Variants in BTNL9 observed in about 807,000 individuals in gnomAD.
The protein encoded by BTNL9 is butyrophilin like 9, also known as butyrophilin-like protein 9.
BTNL9 carries 45 observed loss-of-function variants against 45.8 expected under a neutral mutation model. That is an observed-to-expected ratio of 0.98 (90% CI 0.77 to 1.26). BTNL9 has a LOEUF of 1.26. BTNL9 is among the 50% of genes most tolerant of loss of function. BTNL9 has a pLI of 0.00. For missense variants in BTNL9, 784 were observed against 729.7 expected, an observed-to-expected ratio of 1.07 and a Z score of -0.86; for synonymous variants, 346 against 330.8, an observed-to-expected ratio of 1.05 and a Z score of -0.50.
At chr5:181,056,519 T>G (rs1000546643) in intron 9 of BTNL9, 4 of 716,988 alleles carry the variant, frequency 5.6e-6, no homozygotes, top group Non-Finnish European at 1.0e-5. Context: ...ATTCAGTCTG[T>G]TTTTCCTCCT....
chr5:181,053,723 C>T lies in BTNL9; in HGVS notation c.886+222C>T, dbSNP rs1322488945. 1 of 1,514,348 alleles carries T rather than the reference C, an allele frequency of 6.6e-7. No individual in the cohort carries two copies. Among genetic ancestry groups the T allele is most frequent in the East Asian group, 2.5e-5 (1 of 40,546 alleles). 93.8% of individuals were successfully genotyped at this position (1,514,348 alleles called of 1,614,324 possible). A position where few individuals can be genotyped will look rare whatever the true frequency, so the allele number is the denominator to read the frequency against. Reference sequence around the variant, plus strand: ...TGCATTTTCCACGGAGGCTAGTGCACAGATGTCAGGGTTGACCGGCTGCTG... The same window carrying T: ...TGCATTTTCCACGGAGGCTAGTGCATAGATGTCAGGGTTGACCGGCTGCTG... On this transcript the variant is annotated intron_variant, in intron 6 of 10. Transcript: ENST00000327705. The surrounding 1 kb of genome is among the most constrained non-coding windows in gnomAD (Gnocchi z 6.5).
intron 3 of BTNL9, among the ~76,000 whole-genome samples, chr5:181,049,831 A>G (rs1418008619): frequency 6.6e-6 from 1 of 152,204 alleles, no homozygotes; most frequent in Admixed American, 6.5e-5. Flanking sequence ...ATTAAATGCC[A>G]GGAGCCCTTC....
At position 181,060,652 on chromosome 5, in the gene BTNL9, G is replaced by C. The variant is rs1762109032; in HGVS notation, c.*790G>C. On this transcript the variant is annotated 3_prime_UTR_variant, in exon 11 of 11. Transcript: ENST00000327705. ...GGAGGTGAAATCTAATTATTGGTGA[G>C]AGTCTTGGAGAACAGGCTGTTTCCA... The C allele has an allele frequency of 6.6e-6, 1 of 152,214 alleles. No individual in the cohort carries two copies. The highest frequency in any genetic ancestry group is 1.5e-5 in the Non-Finnish European group (1 of 68,038). 9.4% of individuals were successfully genotyped at this position (152,214 alleles called of 1,614,324 possible). A position where few individuals can be genotyped will look rare whatever the true frequency, so the allele number is the denominator to read the frequency against.
At chr5:181,045,976 CCTCCAACA>C (rs1419720504) in intron 2 of BTNL9, among the ~76,000 whole-genome samples, 3 of 60,654 alleles carry the variant, frequency 4.9e-5, no homozygotes, top group African/African-American at 6.9e-5. Context: ...ATCTCCCCAG[CCTCCAACA>C]CCTCCTCCAC....
rs577706388 is a variant in BTNL9 at position 181,059,898 on chromosome 5, C to G, written c.*36C>G. 1.1e-3 allele frequency: 1,232 copies of G among 1,115,738 alleles called. No individual in the cohort carries two copies. Among genetic ancestry groups the G allele is most frequent in the Non-Finnish European group, 1.4e-3 (1,104 of 800,582 alleles). 69.1% of individuals were successfully genotyped at this position (1,115,738 alleles called of 1,614,324 possible). Reference sequence around the variant, plus strand: ...TGGCCGCGGGACTGGCCCCGGGGGGCCCCCTGGATCCCAGGCCAGCGCTTT... The same window carrying G: ...TGGCCGCGGGACTGGCCCCGGGGGGGCCCCTGGATCCCAGGCCAGCGCTTT... On this transcript the variant is annotated 3_prime_UTR_variant, in exon 11 of 11. Coordinates refer to ENST00000327705, the MANE Select transcript of BTNL9 (RefSeq NM_152547.5).
chr5:181,048,141 GGA>G lies in BTNL9; in HGVS notation c.325_326del (p.Asp109ArgfsTer18), dbSNP rs1377310308. On this transcript the variant is annotated frameshift_variant, in exon 3 of 11. Transcript: ENST00000327705. LOFTEE classifies it high-confidence loss of function. ...AFRNRTKLVKDDIAYGSVVLQ... is the reference protein window; with the variant it reads ...AFRNRTKLVKXDIAYGSVVLQ... ...TCCGGAACAGGACCAAGTTGGTCAA[GGA>G]CGACATCGCCTATGGCAGCGTGGTC... is the stretch of plus-strand genomic sequence containing the variant. The G allele has an allele frequency of 6.2e-7, 1 of 1,613,654 alleles. No individual in the cohort carries two copies. The highest frequency in any genetic ancestry group is 1.7e-5 in the Admixed American group (1 of 60,024).
At position 181,055,250 on chromosome 5, in the gene BTNL9, GT is replaced by G; in HGVS notation, c.908-182del. 10 of 1,466,060 alleles carry G rather than the reference GT, an allele frequency of 6.8e-6. No individual in the cohort carries two copies. The highest frequency in any genetic ancestry group is 9.0e-6 in the Non-Finnish European group (10 of 1,113,828). 90.8% of individuals were successfully genotyped at this position (1,466,060 alleles called of 1,614,324 possible). A position where few individuals can be genotyped will look rare whatever the true frequency, so the allele number is the denominator to read the frequency against. ...AGCTAAGATAGGATGAGGCATAAGA[GT>G]CCTGCAGATGGGCCTCTTTTTGAGG... On this transcript the variant is annotated intron_variant, in intron 7 of 10. Transcript: ENST00000327705. This position sits in a 1 kb window ranked among gnomAD's most constrained non-coding sequence, Gnocchi z 4.4.
At chr5:181,054,582 A>G in intron 7 of BTNL9, 1 of 985,480 alleles carries the variant, frequency 1.0e-6, no homozygotes, top group Non-Finnish European at 1.2e-6. Flanking sequence ...GGCACTAGGA[A>G]GGGTGGCACC....
At position 181,050,026 on chromosome 5, in the gene BTNL9, G is replaced by A; in HGVS notation, c.455-62G>A. 6 of 1,550,810 alleles carry A rather than the reference G, an allele frequency of 3.9e-6. No homozygotes were observed. The highest frequency in any genetic ancestry group is 5.2e-6 in the Non-Finnish European group (6 of 1,143,394). ...GACTGCAAATGCTGAACAGTGGCAG[G>A]AATGTTATGCGTGATTTCTCAGAAG... On this transcript the variant is annotated intron_variant, in intron 3 of 10. Coordinates refer to ENST00000327705, the MANE Select transcript of BTNL9 (RefSeq NM_152547.5). The surrounding 1 kb of genome is among the most constrained non-coding windows in gnomAD (Gnocchi z 4.9).
rs1762132559 is a variant in BTNL9 at position 181,061,485 on chromosome 5, T to TC, written c.*1624dup. ...TTTAATGTTCAATAATGTATATGTATCAGTTCTGTAATAAAGGGGAAAACA... is the reference window on the plus strand; with the variant it reads ...TTTAATGTTCAATAATGTATATGTATCCAGTTCTGTAATAAAGGGGAAAACA... On this transcript the variant is annotated 3_prime_UTR_variant, in exon 11 of 11. Coordinates refer to ENST00000327705, the MANE Select transcript of BTNL9 (RefSeq NM_152547.5). The TC allele has an allele frequency of 6.6e-6, 1 of 152,242 alleles. No individual in the cohort carries two copies. Among genetic ancestry groups the TC allele is most frequent in the African/African-American group, 2.4e-5 (1 of 41,460 alleles). 9.4% of individuals were successfully genotyped at this position (152,242 alleles called of 1,614,324 possible).
In BTNL9 at chr5:181,045,442, C is replaced by T; in HGVS notation, c.-23-25C>T. On this transcript the variant is annotated intron_variant, in intron 1 of 10. Coordinates refer to ENST00000327705, the MANE Select transcript of BTNL9 (RefSeq NM_152547.5). ...GCTCCCCCTACCTTTGCACGTCGCTCCAGCACCCCTTTGTCCCTCTCCAGG... is the reference window on the plus strand; with the variant it reads ...GCTCCCCCTACCTTTGCACGTCGCTTCAGCACCCCTTTGTCCCTCTCCAGG... 2.3e-6 allele frequency: 3 copies of T among 1,295,226 alleles called. 1 individual carries two copies. Among genetic ancestry groups the T allele is most frequent in the Non-Finnish European group, 3.4e-6 (3 of 890,342 alleles). The allele number at this position is 1,295,226 out of a possible 1,614,324, so 80.2% of individuals were successfully genotyped here.
At position 181,056,593 on chromosome 5, in the gene BTNL9, C is replaced by T. The variant is rs1485585664; in HGVS notation, c.955+578C>T. The T allele has an allele frequency of 5.6e-6, 4 of 717,416 alleles. No individual in the cohort carries two copies. In the East Asian group the frequency reaches 8.0e-5, roughly 14 times the overall value. 44.4% of individuals were successfully genotyped at this position (717,416 alleles called of 1,614,324 possible). A position where few individuals can be genotyped will look rare whatever the true frequency, so the allele number is the denominator to read the frequency against. On this transcript the variant is annotated intron_variant, in intron 9 of 10. Transcript: ENST00000327705. ...GAGAAGGTATCCAGGCTGCCTCTAA[C>T]TCCACAACAACACTGAATGCATAGT...
chr5:181,050,691 T>A lies in BTNL9; in HGVS notation c.736+322T>A, dbSNP rs1761485493. Among the ~76,000 whole-genome samples, 2 of 152,180 alleles carry A rather than the reference T, an allele frequency of 1.3e-5. No individual in the cohort carries two copies. The highest frequency in any genetic ancestry group is 4.1e-4 in the South Asian group (2 of 4,824). ...ATGCTGTCTCTCAAACAGTATGTAT[T>A]GAGTTTCCACAACGTGACCCCAGTC... On this transcript the variant is annotated intron_variant, in intron 4 of 10. Transcript: ENST00000327705. The surrounding 1 kb of genome is among the most constrained non-coding windows in gnomAD (Gnocchi z 4.9).
rs146078519 is a variant in BTNL9 at position 181,047,913 on chromosome 5, A to T, written c.110-14A>T. The T allele has an allele frequency of 5.2e-4, 835 of 1,605,900 alleles. 17 individuals carry two copies. The East Asian group carries it at 0.018, about 35-fold the overall frequency. ...ATGAGGGTTGCTTTTGCCTGTTCTG[A>T]CTTGTCATCCTAGAGGTCAAGGTGC... is the stretch of plus-strand genomic sequence containing the variant. On this transcript the variant is annotated splice_polypyrimidine_tract_variant and intron_variant, in intron 2 of 10. Transcript: ENST00000327705.
rs1761727742 is a variant in BTNL9 at position 181,053,926 on chromosome 5, G to A, written c.887-313G>A. On this transcript the variant is annotated intron_variant, in intron 6 of 10. Transcript: ENST00000327705. The surrounding 1 kb of genome is among the most constrained non-coding windows in gnomAD (Gnocchi z 6.5). ...GGCACCGAGAAAACAGCCCAGTTAC[G>A]TGAGGCAGTGTCCGGGGCTTAACGT... The A allele has an allele frequency of 2.2e-5, 33 of 1,513,350 alleles. No individual in the cohort carries two copies. In the East Asian group the frequency reaches 7.7e-4, roughly 35 times the overall value. The allele number at this position is 1,513,350 out of a possible 1,614,324, so 93.7% of individuals were successfully genotyped here. A position where few individuals can be genotyped will look rare whatever the true frequency, so the allele number is the denominator to read the frequency against.
At chr5:181,047,065 A>G (rs1761221023) in intron 2 of BTNL9, among the ~76,000 whole-genome samples, 1 of 152,218 alleles carries the variant, frequency 6.6e-6, no homozygotes, top group African/African-American at 2.4e-5. Context: ...AGGGGTGTCC[A>G]TGACAAGAGA....
At chr5:181,056,404 A>G in intron 9 of BTNL9, 1 of 643,112 alleles carries the variant, frequency 1.6e-6, no homozygotes, top group Non-Finnish European at 2.9e-6. Context: ...CGATGTATGC[A>G]TATGCATCTT....
rs531560284 is a variant in BTNL9, at chr5:181,050,811, G to A, written c.736+442G>A. ...ACGTTAGAAGGTGGTAGGTGCAGCC[G>A]GGTGCAGTGGCTCACGCCTGTAATC... is the stretch of plus-strand genomic sequence containing the variant. On this transcript the variant is annotated intron_variant, in intron 4 of 10. Transcript: ENST00000327705. This position sits in a 1 kb window ranked among gnomAD's most constrained non-coding sequence, Gnocchi z 4.9. Among the ~76,000 whole-genome samples the A allele has an allele frequency of 1.3e-5, 2 of 152,266 alleles. No homozygotes were observed. Among genetic ancestry groups the A allele is most frequent in the South Asian group, 4.2e-4 (2 of 4,816 alleles).
Position 181,059,975 on chromosome 5 carries a change from AG to A in BTNL9, c.*118del, listed in dbSNP as rs1430876746. On this transcript the variant is annotated 3_prime_UTR_variant, in exon 11 of 11. Transcript: ENST00000327705. ...AGGTGCACCAGCCAAAATGTCAGCG[AG>A]GGGGACAAAGAGAGGGACCTTTGCC... The A allele has an allele frequency of 1.2e-4, 121 of 969,470 alleles. 2 individuals are homozygous for A. The South Asian group carries it at 1.3e-3, about 10-fold the overall frequency. 60.1% of individuals were successfully genotyped at this position (969,470 alleles called of 1,614,324 possible). A position where few individuals can be genotyped will look rare whatever the true frequency, so the allele number is the denominator to read the frequency against.
Sources: allele counts gnomAD v4.1 joint callset (sites outside exome capture counted in the v4.1 genomes callset), GRCh38; gene constraint gnomAD v4.1.1; non-coding constraint Gnocchi (gnomAD v3.1); transcripts MANE v1.5; gene names NCBI Gene and HGNC (gene_info 2026-07-23, HGNC 2026-07-21).